SERINC1: variants seen among roughly 807,000 people sequenced by gnomAD.
SERINC1 encodes the protein serine incorporator 1.
SERINC1 carries 38 observed loss-of-function variants against 52.9 expected under a neutral mutation model. That is an observed-to-expected ratio of 0.72 (90% CI 0.55 to 0.94). SERINC1 has a LOEUF of 0.94. Among genes scored for constraint, SERINC1 ranks in the 40% least tolerant of loss-of-function variants. SERINC1 has a pLI of 0.00. For missense variants in SERINC1, 471 were observed against 533.9 expected (o/e 0.88, Z 1.16); for synonymous variants, 198 against 183.1 (o/e 1.08, Z -0.66).
chr6:122,456,540 G>C lies in SERINC1; in HGVS notation c.312C>G (p.Leu104=), dbSNP rs765091963. Residue 104 remains leucine, a synonymous_variant, in exon 3 of 10, where the codon CTC becomes CTG. Coordinates refer to ENST00000339697, the MANE Select transcript of SERINC1 (RefSeq NM_020755.4). The part of the protein sequence containing the change: ...CFGLAMFYLL[L]SLLMIKVKSS... Reference sequence around the variant, plus strand: ...TCTTCACTTTGATCATTAGTAAAGAGAGAAGAAGATAGAACATAGCCAAAC... The same window carrying C: ...TCTTCACTTTGATCATTAGTAAAGACAGAAGAAGATAGAACATAGCCAAAC... 11 of 1,612,392 alleles carry C rather than the reference G, an allele frequency of 6.8e-6. No individual in the cohort carries two copies. Among genetic ancestry groups the C allele is most frequent in the Middle Eastern group, 1.6e-4 (1 of 6,072 alleles).
At chr6:122,463,239 T>G (rs1346797690) in intron 1 of SERINC1, among the ~76,000 whole-genome samples, 1 of 152,172 alleles carries the variant, frequency 6.6e-6, no homozygotes, top group Non-Finnish European at 1.5e-5. Context: ...CTGAAATAAT[T>G]GGATATTCAT....
chr6:122,467,256 C>T (rs529557947), intron 1 of SERINC1, among the ~76,000 whole-genome samples: 4 of 152,248 alleles, frequency 2.6e-5, no homozygotes, highest in Non-Finnish European at 5.9e-5. Context: ...TGACATGTAT[C>T]TGAACTTAGA....
At chr6:122,466,426 C>T (rs1048466463) in intron 1 of SERINC1, among the ~76,000 whole-genome samples, 2 of 152,044 alleles carry the variant, frequency 1.3e-5, no homozygotes, top group African/African-American at 2.4e-5. Flanking sequence ...TAGGTGATCC[C>T]CCCACCTCAG....
Position 122,444,632 on chromosome 6 carries a change from T to C in SERINC1, c.*412A>G, listed in dbSNP as rs11154080. ...TGTTTATAAATTTTAAAATAAACCA[T>C]GTTCTTTGCAGTATCCTGCCAGGCA... On this transcript the variant is annotated 3_prime_UTR_variant, in exon 10 of 10. Transcript: ENST00000339697. 0.05 allele frequency: 7,896 copies of C among 157,020 alleles called. 245 individuals are homozygous for C. The highest frequency in any genetic ancestry group is 0.068 in the Non-Finnish European group (4,833 of 71,306). The allele number at this position is 157,020 out of a possible 1,614,324, so 9.7% of individuals were successfully genotyped here.
chr6:122,454,198 G>A lies in SERINC1; in HGVS notation c.404C>T (p.Ala135Val). Reference protein sequence around the residue: ...FWFFKFAAAIAIIIGAFFIPE... With the variant: ...FWFFKFAAAIVIIIGAFFIPE... ...AATGAAGAATGCCCCAATAATAATTGCAATTGCTGCAGCAAATTTAAAGAA... is the reference window on the plus strand; with the variant it reads ...AATGAAGAATGCCCCAATAATAATTACAATTGCTGCAGCAAATTTAAAGAA... Residue 135 changes from alanine (A) to valine (V), a missense_variant, in exon 4 of 10, where the codon GCA becomes GTA. Ala to Val is a moderately conservative substitution (Grantham distance 64, BLOSUM62 0). Coordinates refer to ENST00000339697, the MANE Select transcript of SERINC1 (RefSeq NM_020755.4). The A allele has an allele frequency of 6.3e-7, 1 of 1,585,216 alleles. No individual in the cohort carries two copies. Among genetic ancestry groups the A allele is most frequent in the East Asian group, 2.3e-5 (1 of 43,992 alleles).
chr6:122,461,514 T>A (rs1269670308), intron 1 of SERINC1, among the ~76,000 whole-genome samples: 1 of 18,520 alleles, frequency 5.4e-5, no homozygotes. Context: ...GTGGTGGGGT[T>A]GGGGGAGGGG....
Position 122,454,050 on chromosome 6 carries a change from A to ACC in SERINC1, c.451+99_451+100dup, listed in dbSNP as rs952984043. On this transcript the variant is annotated intron_variant, in intron 4 of 9. Coordinates refer to ENST00000339697, the MANE Select transcript of SERINC1 (RefSeq NM_020755.4). ...CAACTGGGGAAACACACACACACACACCCCCAAACAAAAAGACAAACAATT... is the reference window on the plus strand; with the variant it reads ...CAACTGGGGAAACACACACACACACACCCCCCCAAACAAAAAGACAAACAATT... The ACC allele has an allele frequency of 1.7e-4, 171 of 1,032,764 alleles. 1 individual carries two copies. The highest frequency in any genetic ancestry group is 2.2e-4 in the Non-Finnish European group (155 of 709,912). The allele number at this position is 1,032,764 out of a possible 1,614,324, so 64.0% of individuals were successfully genotyped here.
Position 122,456,521 on chromosome 6 carries a change from C to T in SERINC1, c.331G>A (p.Val111Met). Reference protein sequence around the residue: ...YLLLSLLMIKVKSSSDPRAAV... With the variant: ...YLLLSLLMIKMKSSSDPRAAV... The stretch of plus-strand genomic sequence containing the variant: ...GCTCTAGGATCACTGCTACTCTTCA[C>T]TTTGATCATTAGTAAAGAGAGAAGA... The change falls in exon 3 of 10, where the codon GTG becomes ATG. Residue 111 changes from valine to methionine, a missense_variant. By Grantham distance (21) the Val-to-Met change is conservative. Transcript: ENST00000339697. The T allele has an allele frequency of 1.2e-6, 2 of 1,610,630 alleles. No individual in the cohort carries two copies. The highest frequency in any genetic ancestry group is 1.7e-5 in the Admixed American group (1 of 59,460).
At chr6:122,456,397 A>T in intron 3 of SERINC1, 84 bp downstream of exon 3, 1 of 823,026 alleles carries the variant, frequency 1.2e-6, no homozygotes, top group Non-Finnish European at 1.8e-6. Flanking sequence ...AGTTTATTTT[A>T]CCTTAAAGTT....
At chr6:122,470,166 T>C (rs989285013) in intron 1 of SERINC1, among the ~76,000 whole-genome samples, 1 of 152,112 alleles carries the variant, frequency 6.6e-6, no homozygotes, top group Non-Finnish European at 1.5e-5. Context: ...ACTACGACCA[T>C]CCCCTGCACT....
In SERINC1 at chr6:122,453,783, T is replaced by A. The variant is rs1303577337; in HGVS notation, c.576A>T (p.Arg192Ser). The A allele has an allele frequency of 5.6e-6, 9 of 1,602,282 alleles. No homozygotes were observed. Among genetic ancestry groups the A allele is most frequent in the Non-Finnish European group, 6.8e-6 (8 of 1,172,352 alleles). Reference sequence around the variant, plus strand: ...ACGAAAGCTTACCTGCATACCAACATCTCGAGTTCCCTTCTTCCATTTTTT... The same window carrying A: ...ACGAAAGCTTACCTGCATACCAACAACTCGAGTTCCCTTCTTCCATTTTTT... ...WVEKMEEGNS[R>S]CWYAALLSAT... Residue 192 changes from arginine (R) to serine (S), a missense_variant, in exon 5 of 10, where the codon AGA becomes AGT. By Grantham distance (110) the Arg-to-Ser change is moderately radical (BLOSUM62 -1). Coordinates refer to ENST00000339697, the MANE Select transcript of SERINC1 (RefSeq NM_020755.4).
At chr6:122,454,765 T>C (rs565424252) in intron 3 of SERINC1, among the ~76,000 whole-genome samples, 1 of 152,066 alleles carries the variant, frequency 6.6e-6, no homozygotes. Flanking sequence ...ACCTGCTGAG[T>C]TGCTTGCTGA....
chr6:122,449,184 C>T (rs1234085940), intron 7 of SERINC1, among the ~76,000 whole-genome samples: 2 of 152,114 alleles, frequency 1.3e-5, no homozygotes, highest in Non-Finnish European at 2.9e-5. Flanking sequence ...AGTTAATAAC[C>T]CTGCAATGGC....
Position 122,452,017 on chromosome 6 carries a change from T to G in SERINC1, c.630A>C (p.Leu210Phe). 1 of 1,575,954 alleles carries G rather than the reference T, an allele frequency of 6.3e-7. No homozygotes were observed. The highest frequency in any genetic ancestry group is 8.6e-7 in the Non-Finnish European group (1 of 1,162,602). ...SATALNYLLSLVAIVLFFVYY... is the reference protein window; with the variant it reads ...SATALNYLLSFVAIVLFFVYY... ...AGACAAAGAACAGGACGATAGCAAC[T>G]AAAGACAGCAGATAATTCAGAGCTG... Residue 210 changes from leucine to phenylalanine, a missense_variant, in exon 6 of 10, where the codon TTA becomes TTC. Transcript: ENST00000339697.
chr6:122,454,564 G>T, intron 3 of SERINC1: 1 of 238,364 alleles, frequency 4.2e-6, no homozygotes, highest in South Asian at 7.9e-5. Flanking sequence ...TTAAAGCCCA[G>T]ACCACGCTAG....
intron 3 of SERINC1, 43 bp downstream of exon 3, chr6:122,456,438 A>C: frequency 7.9e-7 from 1 of 1,266,038 alleles, no homozygotes; most frequent in Non-Finnish European, 1.1e-6. Context: ...TATCAAGAAG[A>C]GGCTACCCAA....
At position 122,443,740 on chromosome 6, in the gene SERINC1, A is replaced by G. The variant is rs1774708552; in HGVS notation, c.*1304T>C. ...GCTGGACACCAGCAATCCACATCAC[A>G]TAAATTATCCACCAGTAATGAGGTG... On this transcript the variant is annotated 3_prime_UTR_variant, in exon 10 of 10. Transcript: ENST00000339697. 1 of 152,220 alleles carries G rather than the reference A, an allele frequency of 6.6e-6. No individual in the cohort carries two copies. Among genetic ancestry groups the G allele is most frequent in the South Asian group, 2.1e-4 (1 of 4,836 alleles). 9.4% of individuals were successfully genotyped at this position (152,220 alleles called of 1,614,324 possible). A position where few individuals can be genotyped will look rare whatever the true frequency, so the allele number is the denominator to read the frequency against.
At chr6:122,454,833 A>C (rs1283256096) in intron 3 of SERINC1, among the ~76,000 whole-genome samples, 2 of 152,212 alleles carry the variant, frequency 1.3e-5, no homozygotes, top group Non-Finnish European at 2.9e-5. Flanking sequence ...AGCTATGACC[A>C]CATGTCCAGC....
At chr6:122,464,486 C>T (rs1562217160) in intron 1 of SERINC1, among the ~76,000 whole-genome samples, 2 of 152,154 alleles carry the variant, frequency 1.3e-5, no homozygotes. Flanking sequence ...TTCAGCTACT[C>T]AGGCAGAGGA....
Sources: gnomAD v4.1 joint callset for allele counts (sites outside exome capture counted in the v4.1 genomes callset) on GRCh38, gnomAD v4.1.1 for gene constraint, MANE v1.5 for transcripts, NCBI Gene and HGNC (gene_info 2026-07-23, HGNC 2026-07-21) for gene names.